Variants in TMPRSS13 observed in about 807,000 individuals in gnomAD.
The protein encoded by TMPRSS13 is transmembrane serine protease 13.
Under a neutral mutation model 68.4 loss-of-function variants are expected in TMPRSS13, and 50 were observed. That is an observed-to-expected ratio of 0.73 (90% confidence interval 0.58 to 0.93). The LOEUF (loss-of-function observed/expected upper bound fraction) is 0.93. Among genes scored for constraint, TMPRSS13 ranks in the 40% least tolerant of loss-of-function variants. The pLI is 0.00. For synonymous variants in TMPRSS13, 267 were observed against 285.8 expected (o/e 0.93, Z 0.66); for missense variants, 615 against 729.2 (o/e 0.84, Z 1.80).
At chr11:117,910,277 G>A (rs534837374) in intron 7 of TMPRSS13, among the ~76,000 whole-genome samples, 1 of 152,200 alleles carries the variant, frequency 6.6e-6, no homozygotes, top group African/African-American at 2.4e-5. Flanking sequence ...AATCCTTTTG[G>A]AGTGTCCCAA....
chr11:117,915,653 G>A lies in TMPRSS13; in HGVS notation c.557-1139C>T, dbSNP rs1467099545. 1.3e-5 allele frequency among the ~76,000 whole-genome samples: 2 copies of A among 152,212 alleles called. No individual in the cohort carries two copies. Among genetic ancestry groups the A allele is most frequent in the Admixed American group, 6.5e-5 (1 of 15,284 alleles). The stretch of plus-strand genomic sequence containing the variant: ...CCTGACCCCACCAGGTAGCTGCTTG[G>A]TGACCTGCACAAGTCAAGCCACCTC... On this transcript the variant is annotated intron_variant, in intron 3 of 12. Coordinates refer to ENST00000524993, the MANE Select transcript of TMPRSS13 (RefSeq NM_001077263.3). The surrounding 1 kb of genome is among the most constrained non-coding windows in gnomAD (Gnocchi z 4.9).
At chr11:117,902,472 T>A (rs2057417268) in intron 12 of TMPRSS13, among the ~76,000 whole-genome samples, 1 of 152,212 alleles carries the variant, frequency 6.6e-6, no homozygotes, top group African/African-American at 2.4e-5. Context: ...GCTCCCCCTA[T>A]CTGAGCCCTC....
At chr11:117,923,277 C>T (rs1300346271) in intron 1 of TMPRSS13, among the ~76,000 whole-genome samples, 2 of 152,216 alleles carry the variant, frequency 1.3e-5, no homozygotes, top group African/African-American at 2.4e-5. Context: ...GTTAGATCCC[C>T]CCTGAGGCGA....
At position 117,901,523 on chromosome 11, in the gene TMPRSS13, T is replaced by C. The variant is rs1243049533; in HGVS notation, c.*716A>G. ...CTGATTGATGCCAGCTGTCAAGGCT[T>C]CTGGACTTTTTGGAGAATCTTTAAA... On this transcript the variant is annotated 3_prime_UTR_variant, in exon 13 of 13. Transcript: ENST00000524993. 6.6e-6 allele frequency: 1 copy of C among 152,336 alleles called. No individual in the cohort carries two copies. Among genetic ancestry groups the C allele is most frequent in the Non-Finnish European group, 1.5e-5 (1 of 68,048 alleles). 9.4% of individuals were successfully genotyped at this position (152,336 alleles called of 1,614,324 possible).
At chr11:117,912,561 A>C (rs540364766) in intron 5 of TMPRSS13, among the ~76,000 whole-genome samples, 19 of 152,194 alleles carry the variant, frequency 1.2e-4, no homozygotes, top group Non-Finnish European at 1.9e-4. Flanking sequence ...GAACATATGT[A>C]TATTTCTAGA....
rs953241553 is a variant in TMPRSS13, at chr11:117,914,370, C to T, written c.679+22G>A. 11 of 1,612,258 alleles carry T rather than the reference C, an allele frequency of 6.8e-6. No individual in the cohort carries two copies. The highest frequency in any genetic ancestry group is 6.7e-5 in the African/African-American group (5 of 74,898). ...ACATGCACATGCACACGCACGCGCT[C>T]CCCCGCACCCAGCCTCCTTACCGCA... On this transcript the variant is annotated intron_variant, in intron 4 of 12. Transcript: ENST00000524993. The surrounding 1 kb of genome is among the most constrained non-coding windows in gnomAD (Gnocchi z 4.2).
chr11:117,902,896 G>A (rs1370392910), intron 12 of TMPRSS13: 1 of 877,864 alleles, frequency 1.1e-6, no homozygotes, highest in Admixed American at 5.2e-5. Flanking sequence ...GGGTGGAAGT[G>A]GGAGAGGGGA....
In TMPRSS13 at chr11:117,903,684, C is replaced by A. The variant is rs568074144; in HGVS notation, c.1648G>T (p.Val550Phe). The change falls in exon 12 of 13, where the codon GTT becomes TTT. Residue 550 changes from valine to phenylalanine, a missense_variant. Transcript: ENST00000524993. The stretch of plus-strand genomic sequence containing the variant: ...ATCTTGCTGTAAATCCAGGGAAGAA[C>A]TTCTGTCACTTTGGTGTACACACCA... ...KPGVYTKVTEVLPWIYSKMES... is the reference protein window; with the variant it reads ...KPGVYTKVTEFLPWIYSKMES... 3.1e-5 allele frequency: 50 copies of A among 1,614,176 alleles called. 1 individual carries two copies. In the South Asian group the frequency reaches 5.2e-4, roughly 17 times the overall value.
rs1279580329 is a variant in TMPRSS13, at chr11:117,901,236, C to G, written c.*1003G>C. ...GGGCCCCTGGGAGCCTACGCGGGAA[C>G]AGCATCTGTTTCTTAACGCCTTCGT... On this transcript the variant is annotated 3_prime_UTR_variant, in exon 13 of 13. Coordinates refer to ENST00000524993, the MANE Select transcript of TMPRSS13 (RefSeq NM_001077263.3). 6.6e-6 allele frequency: 1 copy of G among 152,648 alleles called. No homozygotes were observed. The highest frequency in any genetic ancestry group is 1.5e-5 in the Non-Finnish European group (1 of 68,032). The allele number at this position is 152,648 out of a possible 1,614,324, so 9.5% of individuals were successfully genotyped here.
intron 9 of TMPRSS13, chr11:117,908,176 A>C: frequency 1.6e-6 from 1 of 630,296 alleles, no homozygotes; most frequent in Non-Finnish European, 2.2e-6. Flanking sequence ...TCAGGTAATT[A>C]TCTCTCTGTA....
At chr11:117,907,325 G>T (rs187336917) in intron 9 of TMPRSS13, 1 of 152,372 alleles carries the variant, frequency 6.6e-6, no homozygotes, top group African/African-American at 2.4e-5. Flanking sequence ...GTGTCGTGTC[G>T]TGTCGGGGCG....
intron 12 of TMPRSS13, among the ~76,000 whole-genome samples, 175 bp from the exon 13 acceptor site, chr11:117,902,440 C>G (rs2057417017): frequency 6.6e-6 from 1 of 152,232 alleles, no homozygotes; most frequent in African/African-American, 2.4e-5. Context: ...CCTCTCTGCA[C>G]TAGATTTCTG....
At chr11:117,904,877 A>ATATATATATATATG (rs2057448206) in intron 10 of TMPRSS13, among the ~76,000 whole-genome samples, 1 of 13,096 alleles carries the variant, frequency 7.6e-5, no homozygotes, top group Non-Finnish European at 1.2e-4. Context: ...ATATATATAT[A>ATATATATATATATG]TATATATATA....
In TMPRSS13 at chr11:117,904,234, C is replaced by T. The variant is rs933343497; in HGVS notation, c.1382-133G>A. On this transcript the variant is annotated intron_variant, in intron 10 of 12. Transcript: ENST00000524993. ...GGGAATGGAGGGTGCCATGCCCGTG[C>T]CTGGCTCCCACCCAAGGGAGGCCCT... 5.5e-6 allele frequency: 7 copies of T among 1,267,162 alleles called. No individual in the cohort carries two copies. In the African/African-American group the frequency reaches 9.0e-5, roughly 16 times the overall value. 78.5% of individuals were successfully genotyped at this position (1,267,162 alleles called of 1,614,324 possible).
intron 1 of TMPRSS13, among the ~76,000 whole-genome samples, chr11:117,925,584 C>T (rs2057697449): frequency 6.6e-6 from 1 of 151,956 alleles, no homozygotes; most frequent in African/African-American, 2.4e-5. Context: ...AATGGGGGCC[C>T]CTCTAAAGTT....
At chr11:117,910,448 G>C (rs1399464543) in intron 7 of TMPRSS13, 1 of 488,466 alleles carries the variant, frequency 2.0e-6, no homozygotes, top group East Asian at 3.1e-5. Context: ...CACTTCCCCT[G>C]ATGCACAGAA....
rs1488617047 is a variant in TMPRSS13 at position 117,915,976 on chromosome 11, G to A, written c.556+1194C>T. 6.6e-6 allele frequency among the ~76,000 whole-genome samples: 1 copy of A among 152,134 alleles called. No individual in the cohort carries two copies. Among genetic ancestry groups the A allele is most frequent in the Non-Finnish European group, 1.5e-5 (1 of 68,020 alleles). On this transcript the variant is annotated intron_variant, in intron 3 of 12. Coordinates refer to ENST00000524993, the MANE Select transcript of TMPRSS13 (RefSeq NM_001077263.3). This position sits in a 1 kb window ranked among gnomAD's most constrained non-coding sequence, Gnocchi z 4.9. Reference sequence around the variant, plus strand: ...GGAAACTGAGGCTCAGAATGTTAATGGACTTGTCGAATTCACACAGCCTGT... The same window carrying A: ...GGAAACTGAGGCTCAGAATGTTAATAGACTTGTCGAATTCACACAGCCTGT...
rs1251431457 is a variant in TMPRSS13 at position 117,922,045 on chromosome 11, G to A, written c.22-3207C>T. On this transcript the variant is annotated intron_variant, in intron 1 of 12. Coordinates refer to ENST00000524993, the MANE Select transcript of TMPRSS13 (RefSeq NM_001077263.3). The surrounding 1 kb of genome is among the most constrained non-coding windows in gnomAD (Gnocchi z 4.2). ...CACCAACCTTCTTTAGGCACTTCAC[G>A]GCCTGCTGCCCCACGCTGCTGGAAG... is the stretch of plus-strand genomic sequence containing the variant. Among the ~76,000 whole-genome samples, 1 of 152,268 alleles carries A rather than the reference G, an allele frequency of 6.6e-6. No individual in the cohort carries two copies.
At chr11:117,903,150 T>G (rs2057424526) in intron 12 of TMPRSS13, 3 of 1,357,902 alleles carry the variant, frequency 2.2e-6, no homozygotes, top group East Asian at 5.7e-5. Context: ...GGGAGCATTC[T>G]GGTGACAGCT....
Sources: gnomAD v4.1 joint callset for allele counts (sites outside exome capture counted in the v4.1 genomes callset) on GRCh38, gnomAD v4.1.1 for gene constraint, Gnocchi (gnomAD v3.1) non-coding constraint, MANE v1.5 for transcripts, NCBI Gene and HGNC (gene_info 2026-07-23, HGNC 2026-07-21) for gene names.